The following PPP3CA variants were observed in gnomAD, a reference collection of about 807,000 sequenced individuals.
The protein encoded by PPP3CA is protein phosphatase 3 catalytic subunit alpha, also known as CAM-PRP catalytic subunit.
A neutral mutation model predicts 66.5 loss-of-function variants in PPP3CA; 14 were observed. The observed-to-expected ratio is 0.21, with a 90% CI of 0.14 to 0.33. The LOEUF (loss-of-function observed/expected upper bound fraction) is 0.33. Among genes scored for constraint, PPP3CA ranks in the 10% least tolerant of loss-of-function variants. The probability of loss-of-function intolerance (pLI) is 1.00; values close to 1 mark genes in which losing one functional copy is unlikely to be tolerated. For missense variants in PPP3CA, 317 were observed against 639.5 expected, an observed-to-expected ratio of 0.50 and a Z score of 5.44; for synonymous variants, 232 against 226.2, an observed-to-expected ratio of 1.03 and a Z score of -0.23.
At chr4:101,130,657 G>A (rs1397808133) in intron 2 of PPP3CA, among the ~76,000 whole-genome samples, 2 of 151,992 alleles carry the variant, frequency 1.3e-5, no homozygotes, top group Non-Finnish European at 2.9e-5. Context: ...CATAAATGAA[G>A]GAGAAATAAA....
At chr4:101,058,208 G>T (rs1250347163) in intron 10 of PPP3CA, among the ~76,000 whole-genome samples, 3 of 152,052 alleles carry the variant, frequency 2.0e-5, no homozygotes, top group Admixed American at 1.3e-4. Flanking sequence ...TAGACACATA[G>T]GACTTTTAAT....
chr4:101,325,160 A>G (rs976164617), intron 1 of PPP3CA, among the ~76,000 whole-genome samples: 1 of 152,206 alleles, frequency 6.6e-6, no homozygotes, highest in Non-Finnish European at 1.5e-5. Flanking sequence ...GGTAGCTTTA[A>G]AAGTTTTCCA....
chr4:101,170,937 T>C, intron 2 of PPP3CA: 1 of 273,682 alleles, frequency 3.7e-6, no homozygotes, highest in East Asian at 9.3e-5. Flanking sequence ...TAGTCAAACT[T>C]ATTTGGGCAA....
rs1001165942 is a variant in PPP3CA, at chr4:101,299,118, T to C, written c.58+47621A>G. On this transcript the variant is annotated intron_variant, in intron 1 of 13. Coordinates refer to ENST00000394854, the MANE Select transcript of PPP3CA (RefSeq NM_000944.5). ...AGTGCCATATATCGTTTTTTTTTTT[T>C]TTTTTTTTTTTTTTGGTACAGAAGG... 3.4e-5 allele frequency among the ~76,000 whole-genome samples: 5 copies of C among 144,962 alleles called. No homozygotes were observed. In the East Asian group the frequency reaches 9.9e-4, roughly 29 times the overall value.
chr4:101,184,566 T>C (rs1724347774), intron 2 of PPP3CA, among the ~76,000 whole-genome samples: 1 of 152,156 alleles, frequency 6.6e-6, no homozygotes, highest in Non-Finnish European at 1.5e-5. Flanking sequence ...AATGAAAATA[T>C]TTTGGAAAGC....
At chr4:101,185,905 T>C (rs112420120) in intron 2 of PPP3CA, among the ~76,000 whole-genome samples, 47 of 152,272 alleles carry the variant, frequency 3.1e-4, no homozygotes, top group African/African-American at 9.9e-4. Context: ...ATCTATTACA[T>C]GGATATCCAA....
intron 1 of PPP3CA, among the ~76,000 whole-genome samples, chr4:101,291,803 C>T (rs1728034932): frequency 6.6e-6 from 1 of 152,060 alleles, no homozygotes; most frequent in African/African-American, 2.4e-5. Context: ...CCCTTACCTC[C>T]ACTAGGCTTG....
At chr4:101,238,410 A>C (rs1726195032) in intron 1 of PPP3CA, among the ~76,000 whole-genome samples, 1 of 151,998 alleles carries the variant, frequency 6.6e-6, no homozygotes, top group African/African-American at 2.4e-5. Flanking sequence ...GTTTTTTTAC[A>C]ATTAATATAA....
At chr4:101,174,849 C>T (rs1724006652) in intron 2 of PPP3CA, among the ~76,000 whole-genome samples, 1 of 152,146 alleles carries the variant, frequency 6.6e-6, no homozygotes, top group African/African-American at 2.4e-5. Flanking sequence ...CAGGTACTAA[C>T]TCACTTAATC....
chr4:101,255,227 C>T (rs1560683233), intron 1 of PPP3CA, among the ~76,000 whole-genome samples: 1 of 151,762 alleles, frequency 6.6e-6, no homozygotes, highest in South Asian at 2.1e-4. Flanking sequence ...AATTACTCTG[C>T]CCTAATTCAC....
chr4:101,150,431 A>T (rs1723101610), intron 2 of PPP3CA, among the ~76,000 whole-genome samples: 1 of 152,158 alleles, frequency 6.6e-6, no homozygotes, highest in South Asian at 2.1e-4. Flanking sequence ...TTTACTAACA[A>T]CACTTCTAAG....
chr4:101,038,246 C>T (rs1195153347), intron 11 of PPP3CA, among the ~76,000 whole-genome samples: 1 of 152,206 alleles, frequency 6.6e-6, no homozygotes, highest in Non-Finnish European at 1.5e-5. Context: ...TCCAGCCTAT[C>T]CTTCACAGCA....
intron 1 of PPP3CA, among the ~76,000 whole-genome samples, chr4:101,222,515 G>C (rs1350026174): frequency 6.6e-6 from 1 of 151,522 alleles, no homozygotes; most frequent in Non-Finnish European, 1.5e-5. Flanking sequence ...GTGTGTTTAA[G>C]TGTACTAGAG....
intron 1 of PPP3CA, among the ~76,000 whole-genome samples, chr4:101,337,698 A>G (rs761458832): frequency 6.6e-6 from 1 of 152,228 alleles, no homozygotes; most frequent in East Asian, 1.9e-4. Flanking sequence ...GAACAAAAAT[A>G]AAATGGAGCT....
At chr4:101,329,803 T>C (rs888552517) in intron 1 of PPP3CA, among the ~76,000 whole-genome samples, 4 of 152,118 alleles carry the variant, frequency 2.6e-5, no homozygotes, top group Non-Finnish European at 4.4e-5. Context: ...GTTTACAGCA[T>C]TGTTATTGTT....
chr4:101,273,140 A>ATTAG (rs35365859), intron 1 of PPP3CA, among the ~76,000 whole-genome samples: 1 of 1,548 alleles, frequency 6.5e-4, no homozygotes, highest in East Asian at 7.1e-3. Flanking sequence ...TAGGATAGAT[A>ATTAG]TTGTTTTGAG....
intron 3 of PPP3CA, among the ~76,000 whole-genome samples, chr4:101,107,719 TTTAAGGATGACATGC>T (rs1721478147): frequency 6.6e-6 from 1 of 152,222 alleles, no homozygotes; most frequent in Non-Finnish European, 1.5e-5. Context: ...ACAAAAGCTG[TTTAAGGATGACATGC>T]TTTTCAACCT....
Position 101,217,557 on chromosome 4 carries a change from C to T in PPP3CA, c.59-21441G>A, listed in dbSNP as rs889478536. Among the ~76,000 whole-genome samples, 7 of 152,158 alleles carry T rather than the reference C, an allele frequency of 4.6e-5. No homozygotes were observed. The East Asian group carries it at 1.4e-3, about 29-fold the overall frequency. On this transcript the variant is annotated intron_variant, in intron 1 of 13. Transcript: ENST00000394854. ...AATCAGTCAAGGATCTGCCACTCACCGACTACATAGGTGTGGGCATTTCAC... is the reference window on the plus strand; with the variant it reads ...AATCAGTCAAGGATCTGCCACTCACTGACTACATAGGTGTGGGCATTTCAC...
At chr4:101,328,093 G>A (rs995002559) in intron 1 of PPP3CA, among the ~76,000 whole-genome samples, 11 of 152,122 alleles carry the variant, frequency 7.2e-5, no homozygotes, top group Non-Finnish European at 1.2e-4. Flanking sequence ...AGAGGCCTCC[G>A]TGTGAAATTG....
Sources: allele counts gnomAD v4.1 joint callset (sites outside exome capture counted in the v4.1 genomes callset), GRCh38; gene constraint gnomAD v4.1.1; transcripts MANE v1.5; gene names NCBI Gene and HGNC (gene_info 2026-07-23, HGNC 2026-07-21).